Variants in SLC4A4 observed in about 807,000 individuals in gnomAD.
The protein encoded by SLC4A4 is solute carrier family 4 member 4.
A neutral mutation model predicts 111.5 loss-of-function variants in SLC4A4; 27 were observed. The ratio of observed to expected loss-of-function variants is 0.24; its 90% CI spans 0.18 to 0.33. The LOEUF (loss-of-function observed/expected upper bound fraction) is 0.33, where lower values mean the gene tolerates loss of function less well. SLC4A4 is among the 10% of genes least tolerant of loss of function. The pLI is 1.00. For synonymous variants in SLC4A4, 443 were observed against 463.4 expected (o/e 0.96, Z 0.57); for missense variants, 909 against 1,315.5 (o/e 0.69, Z 4.78).
At chr4:71,480,395 A>T (rs1728771157) in intron 14 of SLC4A4, among the ~76,000 whole-genome samples, 1 of 151,592 alleles carries the variant, frequency 6.6e-6, no homozygotes, top group Non-Finnish European at 1.5e-5. Flanking sequence ...AGAAAAACTT[A>T]CTACTGATTT....
intron 3 of SLC4A4, among the ~76,000 whole-genome samples, chr4:71,276,311 G>A (rs745745583): frequency 3.3e-5 from 5 of 151,652 alleles, no homozygotes; most frequent in African/African-American, 7.3e-5. Flanking sequence ...GTGTGACATC[G>A]TATGATGTGT....
intron 9 of SLC4A4, among the ~76,000 whole-genome samples, chr4:71,448,850 G>A (rs1469144645): frequency 6.6e-6 from 1 of 152,150 alleles, no homozygotes; most frequent in Non-Finnish European, 1.5e-5. Flanking sequence ...GTTCCATGTG[G>A]TGATTACTCA....
intron 12 of SLC4A4, among the ~76,000 whole-genome samples, chr4:71,460,168 CA>C (rs1726687894): frequency 6.6e-6 from 1 of 151,820 alleles, no homozygotes; most frequent in Non-Finnish European, 1.5e-5. Flanking sequence ...TTTGTGTAGC[CA>C]AAATCGTCAA....
At chr4:71,115,073 A>G (rs1743208682) in intron 2 of SLC4A4, among the ~76,000 whole-genome samples, 1 of 148,082 alleles carries the variant, frequency 6.8e-6, no homozygotes. Context: ...ATTCTCAGTA[A>G]ACTATCGCAA....
chr4:71,422,799 G>A (rs891495074), intron 7 of SLC4A4, among the ~76,000 whole-genome samples: 23 of 152,128 alleles, frequency 1.5e-4, no homozygotes, highest in African/African-American at 5.3e-4. Context: ...CCTTCATGCT[G>A]AAAACTCTCA....
At chr4:71,401,621 A>C (rs944758401) in intron 7 of SLC4A4, among the ~76,000 whole-genome samples, 12 of 152,156 alleles carry the variant, frequency 7.9e-5, no homozygotes, top group African/African-American at 2.9e-4. Flanking sequence ...GGTGCTTATC[A>C]AATGCAGTGG....
At chr4:71,404,962 AT>A (rs34034346) in intron 7 of SLC4A4, among the ~76,000 whole-genome samples, 24 of 148,430 alleles carry the variant, frequency 1.6e-4, no homozygotes, top group East Asian at 3.9e-4. Context: ...TACCCAGCTA[AT>A]TTTTTTTTTG....
chr4:71,266,590 A>G (rs1388382515), intron 3 of SLC4A4, among the ~76,000 whole-genome samples: 1 of 152,140 alleles, frequency 6.6e-6, no homozygotes, highest in African/African-American at 2.4e-5. Flanking sequence ...CCCCGAGAGG[A>G]AATAAGCTAA....
At chr4:71,424,159 C>A (rs1331860409) in intron 7 of SLC4A4, among the ~76,000 whole-genome samples, 11 of 152,046 alleles carry the variant, frequency 7.2e-5, no homozygotes, top group Admixed American at 6.6e-4. Flanking sequence ...AAACAAACAA[C>A]CCCATCAAAA....
intron 16 of SLC4A4, among the ~76,000 whole-genome samples, chr4:71,506,405 T>C (rs1214996473): frequency 1.3e-5 from 2 of 152,066 alleles, no homozygotes; most frequent in African/African-American, 4.8e-5. Context: ...AGAGGTCCAC[T>C]TCCATCATTA....
chr4:71,096,597 T>C (rs565367687), intron 2 of SLC4A4, among the ~76,000 whole-genome samples: 54 of 152,302 alleles, frequency 3.5e-4, no homozygotes, highest in South Asian at 1.9e-3. Flanking sequence ...GAACAAAACA[T>C]CACATTTTAA....
chr4:71,233,347 T>A (rs1163645869), intron 1 of SLC4A4: 4 of 982,466 alleles, frequency 4.1e-6, no homozygotes, highest in East Asian at 1.1e-4. Context: ...TAGAAGACAT[T>A]GGTGATCATG....
chr4:71,404,186 G>A (rs1720630180), intron 7 of SLC4A4, among the ~76,000 whole-genome samples: 1 of 152,064 alleles, frequency 6.6e-6, no homozygotes, highest in East Asian at 1.9e-4. Context: ...TTGCACCTGT[G>A]GTCCTCTTGT....
intron 3 of SLC4A4, among the ~76,000 whole-genome samples, chr4:71,322,256 A>G (rs891592815): frequency 6.6e-6 from 1 of 152,138 alleles, no homozygotes; most frequent in Middle Eastern, 3.4e-3. Flanking sequence ...CAGTATTGCT[A>G]TCCAGGTAAT....
chr4:71,126,521 CAT>C (rs1005541152), intron 2 of SLC4A4, among the ~76,000 whole-genome samples: 5 of 152,156 alleles, frequency 3.3e-5, no homozygotes, highest in Admixed American at 6.5e-5. Context: ...AGTTGGGAAA[CAT>C]AGAACATGTG....
intron 16 of SLC4A4, among the ~76,000 whole-genome samples, chr4:71,515,804 A>T (rs1484180395): frequency 6.6e-6 from 1 of 151,966 alleles, no homozygotes; most frequent in Non-Finnish European, 1.5e-5. Flanking sequence ...TCTGGTTTTC[A>T]TTTGCATGGA....
Position 71,438,922 on chromosome 4 carries a change from T to C in SLC4A4, c.808-1694T>C, listed in dbSNP as rs577375057. Among the ~76,000 whole-genome samples, 7 of 152,264 alleles carry C rather than the reference T, an allele frequency of 4.6e-5. No homozygotes were observed. The South Asian group carries it at 1.5e-3, about 32-fold the overall frequency. ...ATATTATCCCAAATAAGAAATTTGA[T>C]GGAATCTTTTCACTTCTCAACCAGT... is the stretch of plus-strand genomic sequence containing the variant. On this transcript the variant is annotated intron_variant, in intron 7 of 25. Coordinates refer to ENST00000264485, the MANE Select transcript of SLC4A4 (RefSeq NM_001098484.3).
chr4:71,162,286 A>T (rs1245612746), intron 2 of SLC4A4, among the ~76,000 whole-genome samples: 1 of 152,172 alleles, frequency 6.6e-6, no homozygotes, highest in Non-Finnish European at 1.5e-5. Flanking sequence ...AGTTACTGAG[A>T]TAATAAGTAG....
chr4:71,107,015 T>C (rs1742948997), intron 2 of SLC4A4, among the ~76,000 whole-genome samples: 3 of 151,812 alleles, frequency 2.0e-5, no homozygotes, highest in Admixed American at 2.0e-4. Context: ...AGTCTATCTG[T>C]CTGTATTATT....
Sources: gnomAD v4.1 joint callset for allele counts (sites outside exome capture counted in the v4.1 genomes callset) on GRCh38, gnomAD v4.1.1 for gene constraint, MANE v1.5 for transcripts, NCBI Gene and HGNC (gene_info 2026-07-23, HGNC 2026-07-21) for gene names.